The following RASGRF1 variants were observed in gnomAD, a reference collection of about 807,000 sequenced individuals.
RASGRF1 encodes ras-specific guanine nucleotide-releasing factor 1.
A neutral mutation model predicts 138.7 loss-of-function variants in RASGRF1; 40 were observed. The observed-to-expected ratio is 0.29, with a 90% CI of 0.22 to 0.38. The LOEUF (loss-of-function observed/expected upper bound fraction) is 0.38, where lower values mean the gene tolerates loss of function less well. Among genes scored for constraint, RASGRF1 ranks in the 10% least tolerant of loss-of-function variants. The probability of loss-of-function intolerance (pLI) is 1.00; values close to 1 mark genes in which losing one functional copy is unlikely to be tolerated. For synonymous variants in RASGRF1, 614 were observed against 663.2 expected (o/e 0.93, Z 1.14); for missense variants, 1,108 against 1,650.4 (o/e 0.67, Z 5.69).
intron 10 of RASGRF1, among the ~76,000 whole-genome samples, chr15:79,022,266 C>T (rs2056971425): frequency 6.6e-6 from 1 of 152,052 alleles, no homozygotes; most frequent in Non-Finnish European, 1.5e-5. Flanking sequence ...ATGGTGAAAC[C>T]CCGTCTCTAC....
chr15:78,975,405 AG>A (rs141285342), intron 24 of RASGRF1, among the ~76,000 whole-genome samples: 6,842 of 77,060 alleles, frequency 0.089, 309 homozygotes, highest in African/African-American at 0.27. Flanking sequence ...AAAAAAAAAA[AG>A]AAAAGAGTAA....
intron 22 of RASGRF1, among the ~76,000 whole-genome samples, chr15:78,988,609 C>T (rs8023752): frequency 0.019 from 2,927 of 152,290 alleles, 104 homozygotes; most frequent in African/African-American, 0.066. Flanking sequence ...GGTGTGCTGG[C>T]GGCTGGGGTT....
Position 79,090,736 on chromosome 15 carries a change from A to G in RASGRF1, c.-238T>C. ...GCTCCGCAGAGCCCCAGTACCCGGAAGATGCCGCCCGACCCTCCTCCGGTG... is the reference window on the plus strand; with the variant it reads ...GCTCCGCAGAGCCCCAGTACCCGGAGGATGCCGCCCGACCCTCCTCCGGTG... On this transcript the variant is annotated 5_prime_UTR_variant, in exon 1 of 27. Coordinates refer to ENST00000558480, the MANE Select transcript of RASGRF1 (RefSeq NM_001145648.3). The G allele has an allele frequency of 1.7e-6, 1 of 571,746 alleles. No individual in the cohort carries two copies. The highest frequency in any genetic ancestry group is 3.0e-6 in the Non-Finnish European group (1 of 337,300). 35.4% of individuals were successfully genotyped at this position (571,746 alleles called of 1,614,324 possible).
At chr15:79,085,370 C>A (rs1396545458) in intron 1 of RASGRF1, among the ~76,000 whole-genome samples, 1 of 152,108 alleles carries the variant, frequency 6.6e-6, no homozygotes, top group Non-Finnish European at 1.5e-5. Context: ...GGATGGGTGG[C>A]TCTGGGTTAG....
intron 5 of RASGRF1, among the ~76,000 whole-genome samples, chr15:79,045,293 C>T (rs773964464): frequency 2.0e-5 from 3 of 152,150 alleles, no homozygotes; most frequent in Non-Finnish European, 2.9e-5. Flanking sequence ...CTGAGCTATC[C>T]AGGGTTTGCT....
intron 3 of RASGRF1, among the ~76,000 whole-genome samples, chr15:79,051,150 T>C (rs1201167498): frequency 1.3e-5 from 2 of 152,256 alleles, no homozygotes; most frequent in African/African-American, 4.8e-5. Context: ...CTGTTCTCTC[T>C]TGGGAACACA....
chr15:79,061,543 C>T (rs1010083955), intron 2 of RASGRF1, among the ~76,000 whole-genome samples: 2 of 151,650 alleles, frequency 1.3e-5, no homozygotes, highest in Non-Finnish European at 2.9e-5. Context: ...ATGATATTTC[C>T]ATCACCCCAG....
intron 2 of RASGRF1, among the ~76,000 whole-genome samples, chr15:79,060,186 G>A (rs2057584378): frequency 6.6e-6 from 1 of 152,176 alleles, no homozygotes; most frequent in Admixed American, 6.5e-5. Flanking sequence ...TGATGATGAT[G>A]TTGACTATTC....
intron 17 of RASGRF1, among the ~76,000 whole-genome samples, chr15:78,999,340 G>A (rs117115587): frequency 6.6e-6 from 1 of 152,278 alleles, no homozygotes; most frequent in East Asian, 1.9e-4. Context: ...TTTGGGGGAA[G>A]GATGGATGGC....
intron 25 of RASGRF1, among the ~76,000 whole-genome samples, chr15:78,972,547 C>T (rs1009640092): frequency 6.6e-5 from 10 of 152,062 alleles, no homozygotes; most frequent in African/African-American, 9.7e-5. Context: ...GAACAAAACC[C>T]CACGACTCCA....
intron 22 of RASGRF1, 195 bp from the exon 23 acceptor site, chr15:78,985,399 A>G: frequency 1.8e-6 from 1 of 546,558 alleles, no homozygotes; most frequent in South Asian, 2.6e-5. Flanking sequence ...TTATATATAC[A>G]TTAGCAATAA....
intron 24 of RASGRF1, among the ~76,000 whole-genome samples, chr15:78,975,341 A>G (rs2055849152): frequency 6.6e-6 from 1 of 151,630 alleles, no homozygotes; most frequent in Non-Finnish European, 1.5e-5. Flanking sequence ...GCATATATGC[A>G]TTTGTATACA....
At chr15:79,041,167 G>GAAAACAA (rs2057292797) in intron 5 of RASGRF1, among the ~76,000 whole-genome samples, 1 of 152,194 alleles carries the variant, frequency 6.6e-6, no homozygotes, top group South Asian at 2.1e-4. Flanking sequence ...TTAAATGGTT[G>GAAAACAA]AAAACAAAAG....
At chr15:79,083,535 A>G (rs1444391425) in intron 1 of RASGRF1, among the ~76,000 whole-genome samples, 1 of 152,218 alleles carries the variant, frequency 6.6e-6, no homozygotes, top group Non-Finnish European at 1.5e-5. Flanking sequence ...AAGCAGAAAC[A>G]AAAGCCGCCT....
chr15:79,020,663 T>C (rs1206771130), intron 10 of RASGRF1, among the ~76,000 whole-genome samples: 3 of 152,212 alleles, frequency 2.0e-5, no homozygotes, highest in Non-Finnish European at 4.4e-5. Context: ...CAGTTACTTA[T>C]TTTAATTATT....
At chr15:78,972,127 ACT>A (rs1182082822) in intron 25 of RASGRF1, among the ~76,000 whole-genome samples, 193 bp from the exon 26 acceptor site, 1 of 151,874 alleles carries the variant, frequency 6.6e-6, no homozygotes, top group Non-Finnish European at 1.5e-5. Context: ...ATGGAGTCTC[ACT>A]CTGTCGCCCA....
chr15:79,025,019 CCTTTT>C (rs1595914143), intron 10 of RASGRF1, among the ~76,000 whole-genome samples: 1 of 150,728 alleles, frequency 6.6e-6, no homozygotes, highest in Non-Finnish European at 1.5e-5. Context: ...CACACACATG[CCTTTT>C]AGGGGTCTGT....
chr15:78,980,373 A>G (rs955632021), intron 24 of RASGRF1: 2 of 371,012 alleles, frequency 5.4e-6, no homozygotes, highest in Non-Finnish European at 9.8e-6. Context: ...CACAGCTACT[A>G]TGCTTTCAGG....
intron 2 of RASGRF1, among the ~76,000 whole-genome samples, chr15:79,061,430 A>ATATATATATC (rs933269711): frequency 6.8e-6 from 1 of 147,202 alleles, no homozygotes; most frequent in African/African-American, 2.5e-5. Context: ...ATATATATAT[A>ATATATATATC]TCATTCATTT....
Sources: gnomAD v4.1 joint callset for allele counts (sites outside exome capture counted in the v4.1 genomes callset) on GRCh38, gnomAD v4.1.1 for gene constraint, MANE v1.5 for transcripts, NCBI Gene and HGNC (gene_info 2026-07-23, HGNC 2026-07-21) for gene names.